The following RBM44 variants were observed in gnomAD, a reference collection of about 807,000 sequenced individuals.
The protein encoded by RBM44 is RNA-binding protein 44.
In RBM44, 66 loss-of-function variants were observed where a neutral mutation model predicts 105.1. The ratio of observed to expected loss-of-function variants is 0.63; its 90% CI spans 0.52 to 0.77. The LOEUF is 0.77. RBM44 is among the 30% of genes least tolerant of loss of function. The pLI is 0.00. For missense variants in RBM44, 1,122 were observed against 1,207.8 expected, an observed-to-expected ratio of 0.93 and a Z score of 1.05; for synonymous variants, 365 against 417.6, an observed-to-expected ratio of 0.87 and a Z score of 1.54.
chr2:237,813,745 G>C, intron 2 of RBM44, 63 bp downstream of exon 2: 3 of 1,094,008 alleles, frequency 2.7e-6, no homozygotes, highest in Non-Finnish European at 4.2e-6. Context: ...TATTGTGCCA[G>C]ACAGTTTGCC....
chr2:237,811,073 GA>G (rs1007930983), intron 1 of RBM44, among the ~76,000 whole-genome samples: 5 of 151,478 alleles, frequency 3.3e-5, no homozygotes, highest in South Asian at 4.2e-4. Flanking sequence ...CAAAGAAAAG[GA>G]AAAAAAATGA....
rs1576492468 is a variant in RBM44 at position 237,801,339 on chromosome 2, A to G, written c.-19+2478A>G. On this transcript the variant is annotated intron_variant, in intron 1 of 15. Transcript: ENST00000316997. The stretch of plus-strand genomic sequence containing the variant: ...GTGAGACCCTGACTTAAATATATAC[A>G]CACAATATTTTGAACAATCAAATGT... Among the ~76,000 whole-genome samples the G allele has an allele frequency of 2.6e-5, 4 of 152,088 alleles. No individual in the cohort carries two copies. In the East Asian group the frequency reaches 7.7e-4, roughly 29 times the overall value.
intron 13 of RBM44, among the ~76,000 whole-genome samples, chr2:237,832,019 C>T (rs1321522350): frequency 6.6e-6 from 1 of 152,126 alleles, no homozygotes; most frequent in Non-Finnish European, 1.5e-5. Flanking sequence ...ATTCCCCTCT[C>T]TCTACAGACT....
chr2:237,811,609 T>C lies in RBM44; in HGVS notation c.-18-1983T>C, dbSNP rs546314494. Among the ~76,000 whole-genome samples, 43 of 152,094 alleles carry C rather than the reference T, an allele frequency of 2.8e-4. No individual in the cohort carries two copies. In the South Asian group the frequency reaches 8.7e-3, roughly 31 times the overall value. ...CTCCATGGTTTGATAGGAATTGATA[T>C]AAGATGTATCTTTGATGGCCTTTTC... On this transcript the variant is annotated intron_variant, in intron 1 of 15. Coordinates refer to ENST00000316997, the MANE Select transcript of RBM44 (RefSeq NM_001080504.3).
chr2:237,820,964 T>G, intron 5 of RBM44, 107 bp from the exon 6 acceptor site: 1 of 743,042 alleles, frequency 1.3e-6, no homozygotes. Flanking sequence ...GACAGGAGGA[T>G]TGCTTGAGCC....
intron 1 of RBM44, among the ~76,000 whole-genome samples, chr2:237,808,237 G>A (rs1468486491): frequency 6.6e-6 from 1 of 152,128 alleles, no homozygotes; most frequent in African/African-American, 2.4e-5. Context: ...CGGATCACTT[G>A]AGACCAGGAG....
chr2:237,836,983 TC>T (rs2061966468), intron 15 of RBM44, among the ~76,000 whole-genome samples: 1 of 151,998 alleles, frequency 6.6e-6, no homozygotes, highest in Admixed American at 6.6e-5. Context: ...TGACTCAGCC[TC>T]CCTCAGTAGC....
chr2:237,811,003 G>A (rs1246406279), intron 1 of RBM44, among the ~76,000 whole-genome samples: 1 of 152,036 alleles, frequency 6.6e-6, no homozygotes, highest in East Asian at 1.9e-4. Context: ...TGTCTATAAA[G>A]TGGCCAGGGA....
In RBM44 at chr2:237,817,958, G is replaced by T. The variant is rs751940358; in HGVS notation, c.1039G>T (p.Val347Phe). Reference sequence around the variant, plus strand: ...TAAAGATTTTTGTGGAAATAAAATTGTTGAGAACAAAATATTACTGCACCT... The same window carrying T: ...TAAAGATTTTTGTGGAAATAAAATTTTTGAGAACAAAATATTACTGCACCT... ...EGKDFCGNKIVENKILLHLEN... is the reference protein window; with the variant it reads ...EGKDFCGNKIFENKILLHLEN... The change falls in exon 3 of 16, where the codon GTT (valine) becomes TTT (phenylalanine). Residue 347 changes from valine (V) to phenylalanine (F), a missense_variant. This residue lies in a region of RBM44 where 918 missense variants were observed against 955.3 expected (regional missense o/e 0.96). Transcript: ENST00000316997. 6 of 1,606,270 alleles carry T rather than the reference G, an allele frequency of 3.7e-6. No individual in the cohort carries two copies. The highest frequency in any genetic ancestry group is 4.2e-6 in the Non-Finnish European group (5 of 1,177,668).
chr2:237,817,308 G>C lies in RBM44; in HGVS notation c.389G>C (p.Ser130Thr). 6.2e-7 allele frequency: 1 copy of C among 1,605,048 alleles called. No homozygotes were observed. The highest frequency in any genetic ancestry group is 1.3e-5 in the African/African-American group (1 of 74,626). Residue 130 changes from serine (S) to threonine (T), a missense_variant, in exon 3 of 16, where the codon AGT becomes ACT. Ser to Thr is a moderately conservative substitution (Grantham distance 58). This residue lies in a region of RBM44 where 918 missense variants were observed against 955.3 expected (regional missense o/e 0.96). Transcript: ENST00000316997. ...AAGAAGGAAAGTCTTACTCCTTTAA[G>C]TTCAGAATTAGATCCTGAAGTGCAG... The part of the protein sequence containing the change: ...KLKKESLTPL[S>T]SELDPEVQKK...
At position 237,803,587 on chromosome 2, in the gene RBM44, A is replaced by T. The variant is rs1485557147; in HGVS notation, c.-19+4726A>T. ...ATTCCAGTCTTTGGCTTGTGTTTCC[A>T]TTTTTTAAGTAATGTCTTTTGATGA... On this transcript the variant is annotated intron_variant, in intron 1 of 15. Coordinates refer to ENST00000316997, the MANE Select transcript of RBM44 (RefSeq NM_001080504.3). This position sits in a 1 kb window ranked among gnomAD's most constrained non-coding sequence, Gnocchi z 4.2. Among the ~76,000 whole-genome samples, 1 of 152,058 alleles carries T rather than the reference A, an allele frequency of 6.6e-6. No individual in the cohort carries two copies. Among genetic ancestry groups the T allele is most frequent in the East Asian group, 1.9e-4 (1 of 5,194 alleles).
In RBM44 at chr2:237,839,073, C is replaced by CA. The variant is rs1009158857; in HGVS notation, c.*23-2762dup. ...CTGGAAATGGTGGGAACCCCCACCC[C>CA]AAAATCACAAGTTCCTAGTTACCAG... On this transcript the variant is annotated intron_variant, in intron 15 of 15. Transcript: ENST00000316997. Among the ~76,000 whole-genome samples the CA allele has an allele frequency of 5.3e-4, 81 of 152,162 alleles. 2 individuals are homozygous for CA. Among genetic ancestry groups the CA allele is most frequent in the Admixed American group, 8.5e-4 (13 of 15,280 alleles).
rs1262049523 is a variant in RBM44 at position 237,818,178 on chromosome 2, A to G, written c.1259A>G (p.Asp420Gly). The G allele has an allele frequency of 6.2e-7, 1 of 1,613,202 alleles. No individual in the cohort carries two copies. The change falls in exon 3 of 16, where the codon GAT (aspartate) becomes GGT (glycine). Residue 420 changes from aspartate to glycine, a missense_variant. Around this residue, in one of 3 missense-constraint regions of RBM44, gnomAD observed 918 missense variants for 955.3 expected, o/e 0.96. Transcript: ENST00000316997. The surrounding 1 kb of genome is among the most constrained non-coding windows in gnomAD (Gnocchi z 4.6). The part of the protein sequence containing the change: ...SAMLPKIAVR[D>G]NQAIEDNTSL... ...ATGCTACCAAAGATCGCAGTCAGAG[A>G]TAATCAGGCAATAGAAGATAATACG...
rs557763909 is a variant in RBM44 at position 237,815,720 on chromosome 2, T to G, written c.74-1273T>G. Among the ~76,000 whole-genome samples the G allele has an allele frequency of 1.6e-3, 239 of 152,204 alleles. 1 individual carries two copies. Among genetic ancestry groups the G allele is most frequent in the African/African-American group, 5.4e-3 (225 of 41,536 alleles). On this transcript the variant is annotated intron_variant, in intron 2 of 15. Coordinates refer to ENST00000316997, the MANE Select transcript of RBM44 (RefSeq NM_001080504.3). ...CAAAATGTAATTCCGATTATGATCT[T>G]AGTAAAAAAAAATCTTTTGAAAACC... is the stretch of plus-strand genomic sequence containing the variant.
intron 15 of RBM44, among the ~76,000 whole-genome samples, chr2:237,835,095 C>G (rs959726499): frequency 4.6e-5 from 7 of 152,082 alleles, no homozygotes; most frequent in Non-Finnish European, 8.8e-5. Context: ...TTTTGTGACG[C>G]CTGTATGGTG....
At position 237,817,003 on chromosome 2, in the gene RBM44, A is replaced by C; in HGVS notation, c.84A>C (p.Ser28=). Residue 28 remains serine (S), a synonymous_variant, in exon 3 of 16, where the codon TCA becomes TCC. Transcript: ENST00000316997. ...CCTTTTTTTAATCAGATAAACCTTC[A>C]AATCCAAAGAAAGAAAATTTGTTAT... ...NGGNLQKDKP[S]NPKKENLLLS... The C allele has an allele frequency of 6.6e-7, 1 of 1,526,692 alleles. No homozygotes were observed. The highest frequency in any genetic ancestry group is 1.3e-5 in the South Asian group (1 of 77,060). The allele number at this position is 1,526,692 out of a possible 1,614,324, so 94.6% of individuals were successfully genotyped here. A position where few individuals can be genotyped will look rare whatever the true frequency, so the allele number is the denominator to read the frequency against.
chr2:237,810,168 C>G (rs1002239110), intron 1 of RBM44, among the ~76,000 whole-genome samples: 1 of 152,124 alleles, frequency 6.6e-6, no homozygotes, highest in African/African-American at 2.4e-5. Context: ...GTGTTTTACA[C>G]CTACAGAACA....
intron 9 of RBM44, 25 bp downstream of exon 9, chr2:237,823,579 G>T: frequency 9.6e-7 from 1 of 1,041,590 alleles, no homozygotes; most frequent in Admixed American, 2.2e-5. Flanking sequence ...GTGTTATCTT[G>T]TATAGTTGCT....
At chr2:237,833,605 C>T (rs1233317630) in intron 13 of RBM44, among the ~76,000 whole-genome samples, 1 of 152,122 alleles carries the variant, frequency 6.6e-6, no homozygotes, top group Non-Finnish European at 1.5e-5. Flanking sequence ...ATGCCCTAAG[C>T]CTAAAACATT....
Sources: allele counts gnomAD v4.1 joint callset (sites outside exome capture counted in the v4.1 genomes callset), GRCh38; gene constraint gnomAD v4.1.1; regional missense constraint gnomAD v4.1.1; non-coding constraint Gnocchi (gnomAD v3.1); transcripts MANE v1.5; gene names NCBI Gene and HGNC (gene_info 2026-07-23, HGNC 2026-07-21).